RSBN1: variants seen among roughly 807,000 people sequenced by gnomAD.
RSBN1 encodes the protein lysine-specific demethylase 9.
Under a neutral mutation model 74.8 loss-of-function variants are expected in RSBN1, and 23 were observed. That is an observed-to-expected ratio of 0.31 (90% confidence interval 0.22 to 0.44). The LOEUF is 0.44. RSBN1 is among the 20% of genes least tolerant of loss of function. The probability of loss-of-function intolerance (pLI) is 1.00; values close to 1 mark genes in which losing one functional copy is unlikely to be tolerated. For synonymous variants in RSBN1, 407 were observed against 379.6 expected (o/e 1.07, Z -0.84); for missense variants, 808 against 1,020.9 (o/e 0.79, Z 2.84).
At chr1:113,767,537 T>C (rs919747719) in intron 5 of RSBN1, among the ~76,000 whole-genome samples, 6 of 152,158 alleles carry the variant, frequency 3.9e-5, no homozygotes, top group African/African-American at 1.4e-4. Flanking sequence ...TATAAAATGG[T>C]TTAGCCACTG....
chr1:113,807,675 C>T (rs1475131665), intron 1 of RSBN1, among the ~76,000 whole-genome samples: 1 of 151,556 alleles, frequency 6.6e-6, no homozygotes, highest in African/African-American at 2.4e-5. Flanking sequence ...GCAGGAGAAT[C>T]GCTTGAACCC....
intron 2 of RSBN1, among the ~76,000 whole-genome samples, chr1:113,791,324 A>C (rs1660359940): frequency 6.6e-6 from 1 of 152,220 alleles, no homozygotes; most frequent in Non-Finnish European, 1.5e-5. Context: ...TACTGCTGTC[A>C]ATACATATGT....
At chr1:113,778,441 GT>G (rs1383339381) in intron 2 of RSBN1, among the ~76,000 whole-genome samples, 4 of 152,028 alleles carry the variant, frequency 2.6e-5, no homozygotes, top group African/African-American at 9.7e-5. Flanking sequence ...GGAATTACAG[GT>G]GTGCGCCACC....
chr1:113,791,813 A>G (rs185284199), intron 2 of RSBN1, among the ~76,000 whole-genome samples: 35 of 152,304 alleles, frequency 2.3e-4, no homozygotes, highest in African/African-American at 7.0e-4. Context: ...TAACACACTA[A>G]TAATGCATAC....
At chr1:113,806,503 T>C (rs1660701461) in intron 1 of RSBN1, among the ~76,000 whole-genome samples, 1 of 151,852 alleles carries the variant, frequency 6.6e-6, no homozygotes. Context: ...CTGTACAAAA[T>C]TAACTCAAAT....
chr1:113,804,440 T>A (rs1660659854), intron 1 of RSBN1, among the ~76,000 whole-genome samples: 1 of 152,180 alleles, frequency 6.6e-6, no homozygotes, highest in Non-Finnish European at 1.5e-5. Flanking sequence ...AGATTCAAAC[T>A]TCTCACCTAT....
In RSBN1 at chr1:113,812,168, G is replaced by T; in HGVS notation, c.245C>A (p.Pro82Gln). The T allele has an allele frequency of 6.2e-7, 1 of 1,609,174 alleles. No homozygotes were observed. ...TCGGCGCTGCCGTTTAACTCCCCGC[G>T]GGGAGACCCCAGCATGAGGTTTCTC... ...GKEKPHAGVS[P>Q]RGVKRQRRSS... The change falls in exon 1 of 7, where the codon CCG becomes CAG. Residue 82 changes from proline to glutamine, a missense_variant. Pro to Gln is a moderately conservative substitution (Grantham distance 76). Around this residue, in one of 6 missense-constraint regions of RSBN1, gnomAD observed 464 missense variants for 401.0 expected, o/e 1.16. Transcript: ENST00000261441.
chr1:113,793,650 G>T (rs1455716604), intron 2 of RSBN1, among the ~76,000 whole-genome samples: 2 of 150,950 alleles, frequency 1.3e-5, no homozygotes, highest in African/African-American at 4.9e-5. Context: ...CTCAAACTTG[G>T]ATCCATACAT....
At chr1:113,793,911 G>A (rs1162283842) in intron 2 of RSBN1, among the ~76,000 whole-genome samples, 2 of 151,986 alleles carry the variant, frequency 1.3e-5, no homozygotes, top group Non-Finnish European at 2.9e-5. Flanking sequence ...CAAGCAATCT[G>A]TTCACCTCAG....
Position 113,811,788 on chromosome 1 carries a change from T to A in RSBN1, c.625A>T (p.Thr209Ser), listed in dbSNP as rs1571316012. ...GPDGDPSSCG[T>S]DLKHKDKQEN... ...TGCTTGTCCTTGTGCTTGAGATCGG[T>A]TCCGCAGGAGCTGGGATCACCATCG... is the stretch of plus-strand genomic sequence containing the variant. Residue 209 changes from threonine to serine, a missense_variant, in exon 1 of 7, where the codon ACC becomes TCC. Thr to Ser is a moderately conservative substitution (Grantham distance 58). Transcript: ENST00000261441. 1 of 1,613,748 alleles carries A rather than the reference T, an allele frequency of 6.2e-7. No individual in the cohort carries two copies. The highest frequency in any genetic ancestry group is 8.5e-7 in the Non-Finnish European group (1 of 1,179,906).
intron 2 of RSBN1, among the ~76,000 whole-genome samples, chr1:113,780,345 C>T (rs1254588124): frequency 2.6e-5 from 4 of 152,202 alleles, no homozygotes; most frequent in East Asian, 3.9e-4. Context: ...AAATTTTACA[C>T]ACAAAGTGAG....
chr1:113,811,646 A>T, intron 1 of RSBN1, 64 bp downstream of exon 1: 1 of 1,515,148 alleles, frequency 6.6e-7, no homozygotes, highest in Non-Finnish European at 8.8e-7. Context: ...TCAGTCCTAA[A>T]GATGCGGGAT....
chr1:113,783,677 C>T (rs1415243237), intron 2 of RSBN1, among the ~76,000 whole-genome samples: 1 of 152,122 alleles, frequency 6.6e-6, no homozygotes, highest in Non-Finnish European at 1.5e-5. Flanking sequence ...CAGGGCATAC[C>T]TTTATAAGGA....
intron 1 of RSBN1, among the ~76,000 whole-genome samples, chr1:113,807,736 G>A (rs1660736633): frequency 6.6e-6 from 1 of 150,892 alleles, no homozygotes; most frequent in Non-Finnish European, 1.5e-5. Flanking sequence ...TCTCCAGCCT[G>A]GGCAACAAGA....
At chr1:113,783,077 G>A (rs932580621) in intron 2 of RSBN1, among the ~76,000 whole-genome samples, 1 of 152,094 alleles carries the variant, frequency 6.6e-6, no homozygotes, top group African/African-American at 2.4e-5. Flanking sequence ...GAAAAAGTTT[G>A]CCAACCCCCA....
chr1:113,788,028 T>G (rs967097564), intron 2 of RSBN1, among the ~76,000 whole-genome samples: 1 of 152,052 alleles, frequency 6.6e-6, no homozygotes, highest in Non-Finnish European at 1.5e-5. Flanking sequence ...GTATAATTAG[T>G]ATCAGAGAGA....
rs533790623 is a variant in RSBN1 at position 113,798,659 on chromosome 1, T to A, written c.704-623A>T. ...TAAAAGTCTTAAAAAATATTTCTAA[T>A]CCTCAGACCCAGAAATTCCACTTCC... is the stretch of plus-strand genomic sequence containing the variant. On this transcript the variant is annotated intron_variant, in intron 1 of 6. Coordinates refer to ENST00000261441, the MANE Select transcript of RSBN1 (RefSeq NM_018364.5). Among the ~76,000 whole-genome samples the A allele has an allele frequency of 3.4e-4, 52 of 152,238 alleles. No homozygotes were observed. The South Asian group carries it at 0.011, about 32-fold the overall frequency.
intron 2 of RSBN1, among the ~76,000 whole-genome samples, chr1:113,790,777 T>C (rs1558000476): frequency 6.6e-6 from 1 of 152,136 alleles, no homozygotes; most frequent in African/African-American, 2.4e-5. Flanking sequence ...AGAGTAATGG[T>C]AGATGGTATA....
At chr1:113,791,764 T>TA (rs568312756) in intron 2 of RSBN1, among the ~76,000 whole-genome samples, 28 of 152,068 alleles carry the variant, frequency 1.8e-4, no homozygotes, top group African/African-American at 6.8e-4. Flanking sequence ...TTTTATTTTA[T>TA]AAAACCTGCT....
Sources: gnomAD v4.1 joint callset for allele counts (sites outside exome capture counted in the v4.1 genomes callset) on GRCh38, gnomAD v4.1.1 for gene constraint, gnomAD v4.1.1 regional missense constraint, MANE v1.5 for transcripts, NCBI Gene and HGNC (gene_info 2026-07-23, HGNC 2026-07-21) for gene names.